The following MED27 variants were observed in gnomAD, a reference collection of about 807,000 sequenced individuals.
The protein encoded by MED27 is mediator of RNA polymerase II transcription subunit 27.
MED27 carries 30 observed loss-of-function variants against 38.2 expected under a neutral mutation model. The ratio of observed to expected loss-of-function variants is 0.79; its 90% CI spans 0.59 to 1.07. MED27 has a LOEUF of 1.07. MED27 is among the 50% of genes least tolerant of loss of function. MED27 has a pLI of 0.00. For synonymous variants in MED27, 122 were observed against 153.5 expected (o/e 0.79, Z 1.52); for missense variants, 289 against 397.5 (o/e 0.73, Z 2.32).
At chr9:131,893,825 G>A (rs1001415650) in intron 5 of MED27, 60 bp downstream of exon 5, 4 of 1,202,760 alleles carry the variant, frequency 3.3e-6, no homozygotes, top group South Asian at 1.2e-5. Context: ...TCTGGAATTC[G>A]ACTACACTTG....
intron 3 of MED27, among the ~76,000 whole-genome samples, chr9:131,973,155 CTTTTT>C (rs1023634233): frequency 2.0e-5 from 3 of 152,074 alleles, no homozygotes; most frequent in Non-Finnish European, 4.4e-5. Context: ...TTTTCTTTTT[CTTTTT>C]AACTTTCTAG....
chr9:131,929,200 G>A (rs760239338), intron 4 of MED27, among the ~76,000 whole-genome samples: 3 of 152,192 alleles, frequency 2.0e-5, no homozygotes, highest in Non-Finnish European at 2.9e-5. Context: ...CCTTGGGCCC[G>A]GAATAACCAA....
intron 3 of MED27, among the ~76,000 whole-genome samples, chr9:131,941,817 ATTTTTTTTTTT>A (rs766438800): frequency 1.2e-5 from 1 of 82,514 alleles, no homozygotes; most frequent in Non-Finnish European, 2.2e-5. Context: ...ATTCTGCTGA[ATTTTTTTTTTT>A]TTTTTTTTTT....
chr9:132,004,381 G>A (rs1554765367), intron 3 of MED27, among the ~76,000 whole-genome samples: 1 of 152,190 alleles, frequency 6.6e-6, no homozygotes, highest in South Asian at 2.1e-4. Context: ...CCCAAAGAGA[G>A]GGGATAAAAG....
At chr9:131,894,032 T>A (rs1218548883) in intron 4 of MED27, 40 bp from the exon 5 acceptor site, 22 of 1,534,714 alleles carry the variant, frequency 1.4e-5, no homozygotes, top group Non-Finnish European at 1.9e-5. Flanking sequence ...AACACGCAAA[T>A]CACACAAAGT....
intron 3 of MED27, among the ~76,000 whole-genome samples, chr9:131,994,325 T>G (rs1039752857): frequency 6.6e-6 from 1 of 152,034 alleles, no homozygotes; most frequent in Non-Finnish European, 1.5e-5. Context: ...TCTACCAGAG[T>G]AGGGAAGGCC....
At position 131,893,918 on chromosome 9, in the gene MED27, T is replaced by C. The variant is rs1447916155; in HGVS notation, c.648A>G (p.Gly216=). The part of the protein sequence containing the change: ...SLFIDRTIVK[G]YNENVYTEDG... The stretch of plus-strand genomic sequence containing the variant: ...CTTCTGTGTAGACATTCTCGTTATA[T>C]CCCTTTACTATTGTTCGATCAATGA... The change falls in exon 5 of 8, where the codon GGA becomes GGG. Residue 216 remains glycine (G), a synonymous_variant. Transcript: ENST00000292035. The C allele has an allele frequency of 4.3e-6, 7 of 1,614,180 alleles. No homozygotes were observed. Among genetic ancestry groups the C allele is most frequent in the Admixed American group, 1.7e-5 (1 of 60,028 alleles).
intron 2 of MED27, among the ~76,000 whole-genome samples, chr9:132,014,946 G>A (rs1031622413): frequency 3.3e-5 from 5 of 152,110 alleles, no homozygotes; most frequent in Admixed American, 6.5e-5. Context: ...TAAAGCCTAC[G>A]TAATTTTTTA....
intron 6 of MED27, among the ~76,000 whole-genome samples, chr9:131,881,662 G>A (rs917548289): frequency 2.6e-5 from 4 of 151,856 alleles, no homozygotes; most frequent in African/African-American, 9.7e-5. Context: ...CCATTACTAC[G>A]GTACATTTGT....
At chr9:132,044,598 T>C (rs1833291275) in intron 2 of MED27, among the ~76,000 whole-genome samples, 1 of 152,242 alleles carries the variant, frequency 6.6e-6, no homozygotes, top group Non-Finnish European at 1.5e-5. Context: ...AGATTTTCAG[T>C]GTGTAAGCTA....
At chr9:131,875,241 G>A (rs968950057) in intron 6 of MED27, among the ~76,000 whole-genome samples, 26 of 152,182 alleles carry the variant, frequency 1.7e-4, no homozygotes, top group Admixed American at 1.4e-3. Flanking sequence ...GCACTGCTGC[G>A]CGGCTGTAAC....
At chr9:131,967,189 TA>T (rs1197620149) in intron 3 of MED27, among the ~76,000 whole-genome samples, 2 of 152,248 alleles carry the variant, frequency 1.3e-5, no homozygotes, top group African/African-American at 4.8e-5. Flanking sequence ...AAATATGCCA[TA>T]AGTTTATTCA....
chr9:131,971,930 G>A (rs1255577440), intron 3 of MED27, among the ~76,000 whole-genome samples: 1 of 152,134 alleles, frequency 6.6e-6, no homozygotes, highest in Non-Finnish European at 1.5e-5. Flanking sequence ...GGTCACTGAG[G>A]TCACTCTTCC....
At chr9:131,978,290 A>G (rs1239234024) in intron 3 of MED27, among the ~76,000 whole-genome samples, 1 of 152,210 alleles carries the variant, frequency 6.6e-6, no homozygotes, top group Non-Finnish European at 1.5e-5. Flanking sequence ...AATTATATAT[A>G]CATACATTTA....
At chr9:131,941,568 G>GT in intron 3 of MED27, among the ~76,000 whole-genome samples, 1 of 152,218 alleles carries the variant, frequency 6.6e-6, no homozygotes, top group East Asian at 1.9e-4. Context: ...AACGACAACA[G>GT]TAAGAAGACT....
intron 4 of MED27, among the ~76,000 whole-genome samples, chr9:131,936,786 GTCAA>G (rs1830694493): frequency 6.6e-6 from 1 of 152,204 alleles, no homozygotes; most frequent in Non-Finnish European, 1.5e-5. Context: ...CCTTATGTAA[GTCAA>G]TCAGAGTTTC....
chr9:131,892,606 A>C (rs1251469306), intron 5 of MED27, among the ~76,000 whole-genome samples: 1 of 152,180 alleles, frequency 6.6e-6, no homozygotes, highest in Non-Finnish European at 1.5e-5. Flanking sequence ...TTGTACCAGG[A>C]GTGACTATGA....
intron 2 of MED27, among the ~76,000 whole-genome samples, chr9:132,056,818 A>T (rs902654222): frequency 3.3e-5 from 5 of 152,202 alleles, no homozygotes; most frequent in African/African-American, 1.2e-4. Context: ...AGTGGACCAG[A>T]ACAAAGAGCT....
intron 3 of MED27, among the ~76,000 whole-genome samples, chr9:131,988,617 T>C (rs901167407): frequency 6.6e-6 from 1 of 152,170 alleles, no homozygotes; most frequent in African/African-American, 2.4e-5. Flanking sequence ...ACATACAAAA[T>C]ATGTGTTAAT....
Sources: allele counts gnomAD v4.1 joint callset (sites outside exome capture counted in the v4.1 genomes callset), GRCh38; gene constraint gnomAD v4.1.1; transcripts MANE v1.5; gene names NCBI Gene and HGNC (gene_info 2026-07-23, HGNC 2026-07-21).